MYO16: variants seen among roughly 807,000 people sequenced by gnomAD.
MYO16 encodes unconventional myosin-XVI.
MYO16 carries 94 observed loss-of-function variants against 205.3 expected under a neutral mutation model. That is an observed-to-expected ratio of 0.46 (90% CI 0.39 to 0.54). The LOEUF (loss-of-function observed/expected upper bound fraction) is 0.54, where lower values mean the gene tolerates loss of function less well. Ranked by LOEUF, MYO16 falls within the 20% of genes least tolerant of loss-of-function variation. The pLI is 0.00. For synonymous variants in MYO16, 988 were observed against 954.0 expected (o/e 1.04, Z -0.66); for missense variants, 2,315 against 2,387.5 (o/e 0.97, Z 0.63).
intron 10 of MYO16, among the ~76,000 whole-genome samples, chr13:108,853,596 A>AT (rs35080410): frequency 0.25 from 31,933 of 130,188 alleles, 4,120 homozygotes; most frequent in South Asian, 0.3. Context: ...TGAGATCTAG[A>AT]TTTTTTTTTT....
chr13:108,741,842 A>C (rs896631485), intron 4 of MYO16, among the ~76,000 whole-genome samples: 1 of 152,210 alleles, frequency 6.6e-6, no homozygotes, highest in African/African-American at 2.4e-5. Flanking sequence ...GGGTTTCTGC[A>C]ATACATTTTC....
intron 22 of MYO16, among the ~76,000 whole-genome samples, chr13:109,017,327 G>A (rs533793653): frequency 6.6e-6 from 1 of 152,318 alleles, no homozygotes; most frequent in African/African-American, 2.4e-5. Flanking sequence ...TTTCTGCCGA[G>A]AGATCCACTG....
intron 10 of MYO16, among the ~76,000 whole-genome samples, chr13:108,847,352 A>C (rs1877575796): frequency 6.6e-6 from 1 of 152,182 alleles, no homozygotes. Context: ...TTTATGTCCT[A>C]ATATTCACCC....
At chr13:108,988,062 A>T (rs1450539596) in intron 20 of MYO16, among the ~76,000 whole-genome samples, 1 of 152,218 alleles carries the variant, frequency 6.6e-6, no homozygotes, top group Non-Finnish European at 1.5e-5. Context: ...TCTAAGGCAG[A>T]ATTTGAACTG....
chr13:108,647,815 C>T (rs1347065763), intron 1 of MYO16, among the ~76,000 whole-genome samples: 1 of 152,124 alleles, frequency 6.6e-6, no homozygotes. Context: ...AACTTGTAAC[C>T]ATCAAATGTC....
intron 33 of MYO16, among the ~76,000 whole-genome samples, chr13:109,172,055 C>T (rs1215230753): frequency 6.6e-6 from 1 of 152,132 alleles, no homozygotes; most frequent in African/African-American, 2.4e-5. Flanking sequence ...GCCATTAGGG[C>T]GCCAAACCAC....
At chr13:108,858,098 A>G (rs1176125516) in intron 11 of MYO16, among the ~76,000 whole-genome samples, 1 of 152,202 alleles carries the variant, frequency 6.6e-6, no homozygotes, top group South Asian at 2.1e-4. Context: ...GTGCTTCCCA[A>G]TGTGTTGTCT....
chr13:108,562,077 CTT>C, the MYO16 span, among the ~76,000 whole-genome samples: 1 of 152,142 alleles, frequency 6.6e-6, no homozygotes, highest in Admixed American at 6.5e-5. Context: ...TGTTTATGGA[CTT>C]TATAGTCAAT....
At chr13:108,883,817 A>T (rs1345437306) in intron 13 of MYO16, among the ~76,000 whole-genome samples, 3 of 151,882 alleles carry the variant, frequency 2.0e-5, no homozygotes, top group Non-Finnish European at 4.4e-5. Flanking sequence ...TAGAGATGAG[A>T]TCTCACTATA....
At position 108,879,662 on chromosome 13, in the gene MYO16, T is replaced by C. The variant is rs141790411; in HGVS notation, c.1426-3397T>C. On this transcript the variant is annotated intron_variant, in intron 12 of 34. Coordinates refer to ENST00000457511, the MANE Select transcript of MYO16 (RefSeq NM_001198950.3). ...TTGCTCAGAATGATGGTTTCCAGCTTCATCTATGTCCCTACAAAGGACATG... is the reference window on the plus strand; with the variant it reads ...TTGCTCAGAATGATGGTTTCCAGCTCCATCTATGTCCCTACAAAGGACATG... 6.1e-3 allele frequency among the ~76,000 whole-genome samples: 935 copies of C among 152,318 alleles called. 10 individuals carry two copies. Among genetic ancestry groups the C allele is most frequent in the African/African-American group, 0.022 (897 of 41,562 alleles).
At chr13:109,048,603 A>G in intron 24 of MYO16, 1 of 359,494 alleles carries the variant, frequency 2.8e-6, no homozygotes, top group Non-Finnish European at 5.0e-6. Context: ...AGGAGCCATG[A>G]TTGCTCACTC....
chr13:109,037,192 G>C (rs1310381995), intron 23 of MYO16, among the ~76,000 whole-genome samples: 4 of 152,186 alleles, frequency 2.6e-5, no homozygotes, highest in Non-Finnish European at 2.9e-5. Context: ...GAATTGCCCG[G>C]GAGGCCACTG....
chr13:108,719,635 G>T (rs1366179715), intron 3 of MYO16, among the ~76,000 whole-genome samples: 1 of 152,164 alleles, frequency 6.6e-6, no homozygotes, highest in Non-Finnish European at 1.5e-5. Flanking sequence ...TTAACTAACA[G>T]ATATATGAAT....
chr13:109,167,494 G>A (rs1319706207), intron 33 of MYO16, among the ~76,000 whole-genome samples: 1 of 152,196 alleles, frequency 6.6e-6, no homozygotes, highest in African/African-American at 2.4e-5. Flanking sequence ...GTAATGGCAG[G>A]AGATGAAGTT....
At chr13:108,664,617 A>G (rs1412270756) in intron 1 of MYO16, among the ~76,000 whole-genome samples, 1 of 152,228 alleles carries the variant, frequency 6.6e-6, no homozygotes, top group South Asian at 2.1e-4. Context: ...CATATGATCA[A>G]CCACATTTTG....
chr13:108,839,239 T>TGAATGGATTAATCCCA (rs1877106313), intron 9 of MYO16, among the ~76,000 whole-genome samples: 1 of 152,022 alleles, frequency 6.6e-6, no homozygotes, highest in African/African-American at 2.4e-5. Context: ...CCCAATAATC[T>TGAATGGATTAATCCCA]ATTAATCCAT....
chr13:108,651,361 A>G (rs1290790032), intron 1 of MYO16, among the ~76,000 whole-genome samples: 1 of 152,206 alleles, frequency 6.6e-6, no homozygotes, highest in Non-Finnish European at 1.5e-5. Flanking sequence ...CAGTTTTATT[A>G]TTACCCTGAA....
chr13:108,996,061 A>C (rs1271803566), intron 21 of MYO16, among the ~76,000 whole-genome samples: 1 of 152,186 alleles, frequency 6.6e-6, no homozygotes, highest in Non-Finnish European at 1.5e-5. Context: ...ATACAGTTTG[A>C]CCCAGCCATC....
the MYO16 span, among the ~76,000 whole-genome samples, chr13:108,547,165 G>A: frequency 8.6e-5 from 13 of 151,734 alleles, no homozygotes; most frequent in African/African-American, 1.9e-4. Flanking sequence ...CCAGCTACTC[G>A]GGAGGCTGAG....
Sources: gnomAD v4.1 joint callset for allele counts (sites outside exome capture counted in the v4.1 genomes callset) on GRCh38, gnomAD v4.1.1 for gene constraint, MANE v1.5 for transcripts, NCBI Gene and HGNC (gene_info 2026-07-23, HGNC 2026-07-21) for gene names.